OGFOD3: variants seen among roughly 807,000 people sequenced by gnomAD.
OGFOD3 encodes the protein 2-oxoglutarate and iron-dependent oxygenase domain-containing protein 3.
A neutral mutation model predicts 39.8 loss-of-function variants in OGFOD3; 35 were observed. That is an observed-to-expected ratio of 0.88 (90% CI 0.67 to 1.17). The LOEUF (loss-of-function observed/expected upper bound fraction) is 1.17. Among genes scored for constraint, OGFOD3 ranks in the 50% most tolerant of loss-of-function variants. OGFOD3 has a pLI of 0.00. For missense variants in OGFOD3, 438 were observed against 454.5 expected, an observed-to-expected ratio of 0.96 and a Z score of 0.33; for synonymous variants, 200 against 192.0, an observed-to-expected ratio of 1.04 and a Z score of -0.34.
intron 2 of OGFOD3, among the ~76,000 whole-genome samples, chr17:82,412,763 C>T (rs1346852163): frequency 1.3e-5 from 2 of 152,196 alleles, no homozygotes; most frequent in African/African-American, 4.8e-5. Flanking sequence ...GGAAAGGCGT[C>T]AGGCCATGCC....
chr17:82,412,168 CCAGGGCA>C (rs917979611), intron 2 of OGFOD3, among the ~76,000 whole-genome samples: 21 of 152,108 alleles, frequency 1.4e-4, no homozygotes, highest in African/African-American at 5.1e-4. Context: ...CAGTCCTTCC[CCAGGGCA>C]CAGCGAACTG....
rs780070620 is a variant in OGFOD3 at position 82,398,247 on chromosome 17, G to A, written c.772C>T (p.Arg258Trp). The change falls in exon 8 of 9, where the codon CGG (arginine) becomes TGG (tryptophan). Residue 258 changes from arginine to tryptophan, a missense_variant. Coordinates refer to ENST00000313056, the MANE Select transcript of OGFOD3 (RefSeq NM_024648.3). ...GCACCCTCCTCCATGAACATGAACC[G>A]CCCTCCGCCGAAGTCCTCCAGGTAG... ...SNYLEDFGGG[R>W]FMFMEEGANK... The A allele has an allele frequency of 1.3e-5, 21 of 1,613,972 alleles. No homozygotes were observed. The highest frequency in any genetic ancestry group is 5.3e-5 in the African/African-American group (4 of 74,896).
At position 82,404,592 on chromosome 17, in the gene OGFOD3, G is replaced by A. The variant is rs1389680731; in HGVS notation, c.546-502C>T. Among the ~76,000 whole-genome samples the A allele has an allele frequency of 2.0e-5, 3 of 152,162 alleles. No individual in the cohort carries two copies. Among genetic ancestry groups the A allele is most frequent in the East Asian group, 3.9e-4 (2 of 5,170 alleles). ...AAGACCCCATGTGCCAGGCCAGAGC[G>A]GCTCTGAAATGGATGTCTGGGTGGG... On this transcript the variant is annotated intron_variant, in intron 6 of 8. Coordinates refer to ENST00000313056, the MANE Select transcript of OGFOD3 (RefSeq NM_024648.3). This position sits in a 1 kb window ranked among gnomAD's most constrained non-coding sequence, Gnocchi z 4.5.
At chr17:82,413,081 G>A (rs1180474618) in intron 2 of OGFOD3, among the ~76,000 whole-genome samples, 2 of 152,222 alleles carry the variant, frequency 1.3e-5, no homozygotes, top group Non-Finnish European at 2.9e-5. Context: ...AGTTACTGTG[G>A]TTAAATGATC....
Position 82,404,202 on chromosome 17 carries a change from C to T in OGFOD3, c.546-112G>A, listed in dbSNP as rs942612010. On this transcript the variant is annotated intron_variant, in intron 6 of 8. Coordinates refer to ENST00000313056, the MANE Select transcript of OGFOD3 (RefSeq NM_024648.3). This position sits in a 1 kb window ranked among gnomAD's most constrained non-coding sequence, Gnocchi z 4.5. ...CAGCCTTCGTACGGCTCCGGGCCCG[C>T]GGGGCGGGGGCTCCCAAGCACACCG... 7.2e-6 allele frequency: 9 copies of T among 1,257,254 alleles called. No homozygotes were observed. The Admixed American group carries it at 8.6e-5, about 12-fold the overall frequency. The allele number at this position is 1,257,254 out of a possible 1,614,324, so 77.9% of individuals were successfully genotyped here. A position where few individuals can be genotyped will look rare whatever the true frequency, so the allele number is the denominator to read the frequency against.
chr17:82,391,400 T>C lies in OGFOD3; in HGVS notation c.*998A>G, dbSNP rs988797563. ...CTCTGTCACCCAGGCTGGAGTGTAG[T>C]GGCACGATCTCGGCTCACTGCAACT... On this transcript the variant is annotated 3_prime_UTR_variant, in exon 9 of 9. Coordinates refer to ENST00000313056, the MANE Select transcript of OGFOD3 (RefSeq NM_024648.3). This position sits in a 1 kb window ranked among gnomAD's most constrained non-coding sequence, Gnocchi z 5.1. 2.0e-5 allele frequency: 3 copies of C among 152,438 alleles called. No homozygotes were observed. The highest frequency in any genetic ancestry group is 6.5e-5 in the Admixed American group (1 of 15,288). The allele number at this position is 152,438 out of a possible 1,614,324, so 9.4% of individuals were successfully genotyped here.
Position 82,406,439 on chromosome 17 carries a change from T to C in OGFOD3, c.467A>G (p.Lys156Arg), listed in dbSNP as rs1004711933. The change falls in exon 5 of 9, where the codon AAG becomes AGG. Residue 156 changes from lysine (K) to arginine (R), a missense_variant. Physicochemically the swap from Lys to Arg is conservative, Grantham distance 26. Coordinates refer to ENST00000313056, the MANE Select transcript of OGFOD3 (RefSeq NM_024648.3). The surrounding 1 kb of genome is among the most constrained non-coding windows in gnomAD (Gnocchi z 5.2). ...TCACCTGTACAGGTTCACAAAGTGC[T>C]TCCCGACAGACAGGGCCCCTGAGTG... ...DLHSGALSVG[K>R]HFVNLYRYFG... The C allele has an allele frequency of 1.9e-6, 3 of 1,614,022 alleles. No homozygotes were observed. Among genetic ancestry groups the C allele is most frequent in the Non-Finnish European group, 2.5e-6 (3 of 1,180,034 alleles).
intron 8 of OGFOD3, among the ~76,000 whole-genome samples, chr17:82,396,286 T>A (rs1416430669): frequency 9.5e-6 from 1 of 104,756 alleles, no homozygotes; most frequent in Non-Finnish European, 2.5e-5. Context: ...AACACATAGA[T>A]ACACACAATT....
chr17:82,395,535 G>A (rs1198413067), intron 8 of OGFOD3, among the ~76,000 whole-genome samples: 2 of 152,188 alleles, frequency 1.3e-5, no homozygotes, highest in East Asian at 1.9e-4. Context: ...TAAGAACTGC[G>A]ACACGGCCGG....
chr17:82,416,027 G>A (rs914212676), intron 1 of OGFOD3, among the ~76,000 whole-genome samples: 2 of 151,704 alleles, frequency 1.3e-5, no homozygotes, highest in East Asian at 1.9e-4. Flanking sequence ...TCAGGGTATC[G>A]AGACGAGCCT....
intron 3 of OGFOD3, 106 bp from the exon 4 acceptor site, chr17:82,409,516 G>T: frequency 9.9e-7 from 1 of 1,011,042 alleles, no homozygotes. Flanking sequence ...TGGGTCCTGC[G>T]TGTTTAATGT....
intron 7 of OGFOD3, among the ~76,000 whole-genome samples, chr17:82,399,333 G>A (rs1218346416): frequency 6.6e-6 from 1 of 152,220 alleles, no homozygotes; most frequent in African/African-American, 2.4e-5. Flanking sequence ...AGCAGGGTGT[G>A]CATGCTGGGA....
chr17:82,418,541 C>T lies in OGFOD3; in HGVS notation c.-56G>A. 2 of 1,055,670 alleles carry T rather than the reference C, an allele frequency of 1.9e-6. No homozygotes were observed. Among genetic ancestry groups the T allele is most frequent in the Admixed American group, 4.4e-5 (1 of 22,886 alleles). The allele number at this position is 1,055,670 out of a possible 1,614,324, so 65.4% of individuals were successfully genotyped here. On this transcript the variant is annotated 5_prime_UTR_variant, in exon 1 of 9. Coordinates refer to ENST00000313056, the MANE Select transcript of OGFOD3 (RefSeq NM_024648.3). ...CGCGGGCGCCAGGCCCGGGGACGAA[C>T]GCCGTAACAGGGAGCGCGAGGCAGG...
chr17:82,403,983 T>C lies in OGFOD3; in HGVS notation c.653A>G (p.Glu218Gly). 6.2e-7 allele frequency: 1 copy of C among 1,610,452 alleles called. No homozygotes were observed. The highest frequency in any genetic ancestry group is 1.1e-5 in the South Asian group (1 of 90,282). ...GTACTCGTCGTGCGCCGTCCGCGCTTCCGTGCTGTTTATGCGGGAGAAGAA... is the reference window on the plus strand; with the variant it reads ...GTACTCGTCGTGCGCCGTCCGCGCTCCCGTGCTGTTTATGCGGGAGAAGAA... ...PTFFSRINST[E>G]ARTAHDEYWH... The change falls in exon 7 of 9, where the codon GAA (glutamate) becomes GGA (glycine). Residue 218 changes from glutamate (E) to glycine (G), a missense_variant. Physicochemically the swap from Glu to Gly is moderately conservative, Grantham distance 98. Coordinates refer to ENST00000313056, the MANE Select transcript of OGFOD3 (RefSeq NM_024648.3).
At chr17:82,400,797 G>A (rs2052751646) in intron 7 of OGFOD3, 3 of 152,166 alleles carry the variant, frequency 2.0e-5, no homozygotes, top group African/African-American at 7.2e-5. Context: ...AGAACACCAC[G>A]AAAATCACCC....
chr17:82,418,242 C>A, intron 1 of OGFOD3, 170 bp downstream of exon 1: 1 of 442,862 alleles, frequency 2.3e-6, no homozygotes. Context: ...CTGCCCTGCT[C>A]CCAGCATGGG....
At position 82,406,751 on chromosome 17, in the gene OGFOD3, G is replaced by A. The variant is rs966468488; in HGVS notation, c.424-269C>T. ...CTCTGCCTCCCAAGTAAAGGCGCTC[G>A]CCACCACACCTGGCTAATTTTTCTA... On this transcript the variant is annotated intron_variant, in intron 4 of 8. Coordinates refer to ENST00000313056, the MANE Select transcript of OGFOD3 (RefSeq NM_024648.3). This position sits in a 1 kb window ranked among gnomAD's most constrained non-coding sequence, Gnocchi z 5.2. Among the ~76,000 whole-genome samples, 3 of 151,968 alleles carry A rather than the reference G, an allele frequency of 2.0e-5. No homozygotes were observed. Among genetic ancestry groups the A allele is most frequent in the African/African-American group, 7.3e-5 (3 of 41,374 alleles).
At position 82,415,773 on chromosome 17, in the gene OGFOD3, T is replaced by G. The variant is rs953989622; in HGVS notation, c.75-146A>C. Reference sequence around the variant, plus strand: ...AGGGCTTCCTGCCTGGGGCCAGCGCTGTCCACTCAGGAAACACGGACTCTT... The same window carrying G: ...AGGGCTTCCTGCCTGGGGCCAGCGCGGTCCACTCAGGAAACACGGACTCTT... On this transcript the variant is annotated intron_variant, in intron 1 of 8. Coordinates refer to ENST00000313056, the MANE Select transcript of OGFOD3 (RefSeq NM_024648.3). This position sits in a 1 kb window ranked among gnomAD's most constrained non-coding sequence, Gnocchi z 5.3. The G allele has an allele frequency of 3.0e-6, 2 of 673,512 alleles. No homozygotes were observed. Among genetic ancestry groups the G allele is most frequent in the African/African-American group, 1.8e-5 (1 of 55,290 alleles). The allele number at this position is 673,512 out of a possible 1,614,324, so 41.7% of individuals were successfully genotyped here. A position where few individuals can be genotyped will look rare whatever the true frequency, so the allele number is the denominator to read the frequency against.
intron 3 of OGFOD3, among the ~76,000 whole-genome samples, chr17:82,410,213 T>C (rs1401796687): frequency 1.3e-5 from 2 of 152,162 alleles, no homozygotes; most frequent in Non-Finnish European, 2.9e-5. Context: ...GACACGCCGG[T>C]GCCTCAGTCA....
Sources: allele counts gnomAD v4.1 joint callset (sites outside exome capture counted in the v4.1 genomes callset), GRCh38; gene constraint gnomAD v4.1.1; non-coding constraint Gnocchi (gnomAD v3.1); transcripts MANE v1.5; gene names NCBI Gene and HGNC (gene_info 2026-07-23, HGNC 2026-07-21).